The following TSTD2 variants were observed in gnomAD, a reference collection of about 807,000 sequenced individuals.
TSTD2 encodes the protein thiosulfate sulfurtransferase/rhodanese-like domain-containing protein 2.
TSTD2 carries 37 observed loss-of-function variants against 47.9 expected under a neutral mutation model. That is an observed-to-expected ratio of 0.77 (90% CI 0.59 to 1.02). TSTD2 has a LOEUF of 1.02. TSTD2 is among the 50% of genes least tolerant of loss of function. TSTD2 has a pLI of 0.00. For synonymous variants in TSTD2, 201 were observed against 215.9 expected (o/e 0.93, Z 0.61); for missense variants, 586 against 616.0 (o/e 0.95, Z 0.52).
At chr9:97,632,788 G>A (rs969357206) in intron 1 of TSTD2, among the ~76,000 whole-genome samples, 1 of 152,164 alleles carries the variant, frequency 6.6e-6, no homozygotes, top group East Asian at 1.9e-4. Flanking sequence ...GTAAAAAGAG[G>A]GAAAAGAGCT....
chr9:97,617,621 T>C (rs184061648), intron 4 of TSTD2, 136 bp downstream of exon 4: 3 of 1,157,356 alleles, frequency 2.6e-6, no homozygotes, highest in Admixed American at 6.4e-5. Context: ...ATATTCTACT[T>C]AAATGCTCAG....
chr9:97,606,658 C>T (rs1036976930), intron 6 of TSTD2, among the ~76,000 whole-genome samples: 1 of 152,184 alleles, frequency 6.6e-6, no homozygotes, highest in African/African-American at 2.4e-5. Context: ...GCTCTATTGT[C>T]ACTGTACATG....
At chr9:97,629,475 G>A (rs1415252675) in intron 1 of TSTD2, among the ~76,000 whole-genome samples, 1 of 152,210 alleles carries the variant, frequency 6.6e-6, no homozygotes, top group African/African-American at 2.4e-5. Flanking sequence ...ATAAGGGTAA[G>A]GCAAGGTAAT....
chr9:97,612,903 G>A (rs1276484332), intron 4 of TSTD2, among the ~76,000 whole-genome samples: 2 of 152,330 alleles, frequency 1.3e-5, no homozygotes, highest in African/African-American at 4.8e-5. Flanking sequence ...TTCAGATGAG[G>A]TATTCTGTTT....
chr9:97,622,042 C>A (rs541346340), intron 3 of TSTD2, among the ~76,000 whole-genome samples: 7 of 152,212 alleles, frequency 4.6e-5, no homozygotes, highest in African/African-American at 1.7e-4. Flanking sequence ...TGTACTCTTT[C>A]TCTTTATTTC....
rs896987033 is a variant in TSTD2, at chr9:97,600,982, A to T, written c.*1487T>A. Reference sequence around the variant, plus strand: ...AAATCTCATGATAAAGGACAAGGTCAAGAACTCCAGAGCACTGAGCAGAGA... The same window carrying T: ...AAATCTCATGATAAAGGACAAGGTCTAGAACTCCAGAGCACTGAGCAGAGA... On this transcript the variant is annotated 3_prime_UTR_variant, in exon 10 of 10. Transcript: ENST00000341170. The T allele has an allele frequency of 2.5e-6, 3 of 1,209,884 alleles. No homozygotes were observed. Among genetic ancestry groups the T allele is most frequent in the Non-Finnish European group, 3.2e-6 (3 of 940,036 alleles). 74.9% of individuals were successfully genotyped at this position (1,209,884 alleles called of 1,614,324 possible). A position where few individuals can be genotyped will look rare whatever the true frequency, so the allele number is the denominator to read the frequency against.
chr9:97,625,865 G>A lies in TSTD2; in HGVS notation c.298C>T (p.His100Tyr), dbSNP rs759178219. ...TSIHRHVATQ[H>Y]ADEIYHQTAS... ...GTCTGGTGATAAATTTCATCAGCAT[G>A]TTGTGTTGCCACATGTCTATGGATG... The change falls in exon 3 of 10, where the codon CAT (histidine) becomes TAT (tyrosine). Residue 100 changes from histidine to tyrosine, a missense_variant. Physicochemically the swap from His to Tyr is moderately conservative, Grantham distance 83. Transcript: ENST00000341170. 36 of 1,614,182 alleles carry A rather than the reference G, an allele frequency of 2.2e-5. No individual in the cohort carries two copies. The highest frequency in any genetic ancestry group is 3.0e-5 in the Non-Finnish European group (35 of 1,179,994).
chr9:97,602,454 T>C lies in TSTD2; in HGVS notation c.*15A>G. 3 of 1,573,330 alleles carry C rather than the reference T, an allele frequency of 1.9e-6. No homozygotes were observed. The highest frequency in any genetic ancestry group is 2.6e-6 in the Non-Finnish European group (3 of 1,156,526). ...TACTTTTACCGAGGGCCTGGGAAAA[T>C]GCCAAAGGTGCTGCTCACATAAGCA... On this transcript the variant is annotated 3_prime_UTR_variant, in exon 10 of 10. Coordinates refer to ENST00000341170, the MANE Select transcript of TSTD2 (RefSeq NM_139246.5).
At chr9:97,612,062 T>C (rs184721426) in intron 4 of TSTD2, among the ~76,000 whole-genome samples, 2 of 152,302 alleles carry the variant, frequency 1.3e-5, no homozygotes, top group Non-Finnish European at 2.9e-5. Flanking sequence ...CCCCTCTATG[T>C]GTCCACGTTC....
chr9:97,610,298 A>C (rs1826436107), intron 6 of TSTD2, 48 bp downstream of exon 6: 6 of 1,515,398 alleles, frequency 4.0e-6, no homozygotes, highest in Admixed American at 1.9e-5. Flanking sequence ...TTGTCTATTA[A>C]GTTTTGTCCC....
chr9:97,625,260 C>G (rs1826700855), intron 3 of TSTD2, among the ~76,000 whole-genome samples: 1 of 152,202 alleles, frequency 6.6e-6, no homozygotes, highest in Non-Finnish European at 1.5e-5. Context: ...TGAATATTAG[C>G]AGTTCATAGC....
Position 97,602,687 on chromosome 9 carries a change from G to T in TSTD2, c.1333C>A (p.Pro445Thr), listed in dbSNP as rs752205791. ...GTGAATCCTTGTCCTTGACAGGCAGGGCAGGTCAAAACGAGCTGGCGGCAC... is the reference window on the plus strand; with the variant it reads ...GTGAATCCTTGTCCTTGACAGGCAGTGCAGGTCAAAACGAGCTGGCGGCAC... Reference protein sequence around the residue: ...PQCRQLVLTCPACQGQGFTAC... With the variant: ...PQCRQLVLTCTACQGQGFTAC... The change falls in exon 10 of 10, where the codon CCT becomes ACT. Residue 445 changes from proline (P) to threonine (T), a missense_variant. Transcript: ENST00000341170. 1 of 1,614,098 alleles carries T rather than the reference G, an allele frequency of 6.2e-7. No homozygotes were observed. The highest frequency in any genetic ancestry group is 8.5e-7 in the Non-Finnish European group (1 of 1,180,054).
intron 4 of TSTD2, among the ~76,000 whole-genome samples, chr9:97,615,525 A>C (rs934619870): frequency 2.0e-5 from 3 of 152,068 alleles, no homozygotes; most frequent in Non-Finnish European, 4.4e-5. Flanking sequence ...AATAGAGTAG[A>C]GGCTTTTTTC....
In TSTD2 at chr9:97,600,443, G is replaced by GAGTT. The variant is rs754244623; in HGVS notation, c.*2022_*2025dup. 9.1e-6 allele frequency: 9 copies of GAGTT among 985,498 alleles called. No individual in the cohort carries two copies. The highest frequency in any genetic ancestry group is 1.1e-4 in the East Asian group (1 of 8,830). 61.0% of individuals were successfully genotyped at this position (985,498 alleles called of 1,614,324 possible). On this transcript the variant is annotated 3_prime_UTR_variant, in exon 10 of 10. Transcript: ENST00000341170. ...GGGATTTATGTACAATTTAATACTG[G>GAGTT]AGTTAGAACTTTTTCCTTATTGAAT...
In TSTD2 at chr9:97,611,562, A is replaced by G; in HGVS notation, c.729+12T>C. The stretch of plus-strand genomic sequence containing the variant: ...ATGGCTCTAGATCCATTTAATTTTC[A>G]TTTTCTCTTACCTTAAAATCATCTT... On this transcript the variant is annotated intron_variant, in intron 5 of 9. Coordinates refer to ENST00000341170, the MANE Select transcript of TSTD2 (RefSeq NM_139246.5). 6.3e-7 allele frequency: 1 copy of G among 1,578,476 alleles called. No individual in the cohort carries two copies. The highest frequency in any genetic ancestry group is 8.7e-7 in the Non-Finnish European group (1 of 1,151,408).
chr9:97,627,266 G>A, intron 2 of TSTD2, 132 bp downstream of exon 2: 1 of 1,399,444 alleles, frequency 7.1e-7, no homozygotes, highest in Non-Finnish European at 9.3e-7. Flanking sequence ...GCCTGGGATG[G>A]AATTAACATC....
intron 4 of TSTD2, among the ~76,000 whole-genome samples, chr9:97,613,803 A>C (rs554648296): frequency 6.6e-6 from 1 of 150,596 alleles, no homozygotes; most frequent in East Asian, 1.9e-4. Flanking sequence ...AAGACACATC[A>C]GTTGATGCCT....
In TSTD2 at chr9:97,601,813, A is replaced by G. The variant is rs1366771776; in HGVS notation, c.*656T>C. 1.9e-5 allele frequency: 3 copies of G among 159,326 alleles called. No homozygotes were observed. The highest frequency in any genetic ancestry group is 4.8e-5 in the African/African-American group (2 of 41,592). 9.9% of individuals were successfully genotyped at this position (159,326 alleles called of 1,614,324 possible). A position where few individuals can be genotyped will look rare whatever the true frequency, so the allele number is the denominator to read the frequency against. On this transcript the variant is annotated 3_prime_UTR_variant, in exon 10 of 10. Coordinates refer to ENST00000341170, the MANE Select transcript of TSTD2 (RefSeq NM_139246.5). Reference sequence around the variant, plus strand: ...TTTCAACCATACAGGTTGAAAATACAGTATTGGCAGGGGGCGAAACCTGCG... The same window carrying G: ...TTTCAACCATACAGGTTGAAAATACGGTATTGGCAGGGGGCGAAACCTGCG...
At chr9:97,611,372 A>AT (rs1826455767) in intron 5 of TSTD2, among the ~76,000 whole-genome samples, 2 of 151,954 alleles carry the variant, frequency 1.3e-5, no homozygotes, top group African/African-American at 4.8e-5. Context: ...AGCCATGATC[A>AT]CGCCACTGCA....
Sources: allele counts gnomAD v4.1 joint callset (sites outside exome capture counted in the v4.1 genomes callset), GRCh38; gene constraint gnomAD v4.1.1; transcripts MANE v1.5; gene names NCBI Gene and HGNC (gene_info 2026-07-23, HGNC 2026-07-21).